The following NAALADL2 variants were observed in gnomAD, a reference collection of about 807,000 sequenced individuals.
NAALADL2 encodes the protein inactive N-acetylated-alpha-linked acidic dipeptidase-like protein 2.
In NAALADL2, 76 loss-of-function variants were observed where a neutral mutation model predicts 87.2. The ratio of observed to expected loss-of-function variants is 0.87; its 90% CI spans 0.72 to 1.05. NAALADL2 has a LOEUF of 1.05. Among genes scored for constraint, NAALADL2 ranks in the 50% least tolerant of loss-of-function variants. NAALADL2 has a pLI of 0.00. For synonymous variants in NAALADL2, 354 were observed against 331.0 expected (o/e 1.07, Z -0.75); for missense variants, 1,089 against 945.8 (o/e 1.15, Z -1.99).
At chr3:174,826,103 C>CAA (rs1721968952) in intron 3 of NAALADL2, among the ~76,000 whole-genome samples, 1 of 152,126 alleles carries the variant, frequency 6.6e-6, no homozygotes, top group Non-Finnish European at 1.5e-5. Context: ...CAAAACAAAA[C>CAA]AAAATCTTTT....
intron 3 of NAALADL2, among the ~76,000 whole-genome samples, chr3:174,811,825 G>A (rs1303820415): frequency 6.6e-6 from 1 of 152,234 alleles, no homozygotes; most frequent in Non-Finnish European, 1.5e-5. Context: ...AATCTCCAAT[G>A]TTGGAGGTGG....
chr3:174,572,706 C>A (rs2108538892), intron 2 of NAALADL2, among the ~76,000 whole-genome samples: 1 of 152,232 alleles, frequency 6.6e-6, no homozygotes, highest in East Asian at 1.9e-4. Flanking sequence ...TTCTATATAG[C>A]ACAACAACCA....
chr3:175,004,376 C>CAAAAAA lies in NAALADL2; in HGVS notation c.44-92390_44-92385dup, dbSNP rs538715061. Among the ~76,000 whole-genome samples the CAAAAAA allele has an allele frequency of 1.8e-3, 62 of 33,840 alleles. 2 individuals are homozygous for CAAAAAA. The highest frequency in any genetic ancestry group is 4.9e-3 in the East Asian group (5 of 1,016). The allele number at this position is 33,840 out of a possible 152,430, so 22.2% of individuals were successfully genotyped here. ...CCTGGGTGACAGAGTGAGACTATTT[C>CAAAAAA]AAAAAAAAAAAAAAAAAAAAAAAAA... On this transcript the variant is annotated intron_variant, in intron 1 of 13. Coordinates refer to ENST00000454872, the MANE Select transcript of NAALADL2 (RefSeq NM_207015.3).
At chr3:175,556,399 C>CTA (rs1715271137) in intron 9 of NAALADL2, among the ~76,000 whole-genome samples, 2 of 152,068 alleles carry the variant, frequency 1.3e-5, no homozygotes, top group African/African-American at 2.4e-5. Context: ...CCTCAGAATA[C>CTA]TATAAAAATG....
chr3:175,378,807 G>T (rs1233721587), intron 5 of NAALADL2, among the ~76,000 whole-genome samples: 1 of 152,126 alleles, frequency 6.6e-6, no homozygotes, highest in East Asian at 1.9e-4. Context: ...GTTTCTAATT[G>T]TTTACACTGG....
intron 5 of NAALADL2, among the ~76,000 whole-genome samples, chr3:175,352,297 TGAG>T (rs551605647): frequency 1.8e-3 from 267 of 152,068 alleles, no homozygotes; most frequent in Non-Finnish European, 1.2e-3. Flanking sequence ...TAGGTGAGGC[TGAG>T]GAGAAGAAGG....
At chr3:174,920,239 T>C (rs980399432) in intron 1 of NAALADL2, among the ~76,000 whole-genome samples, 1 of 152,240 alleles carries the variant, frequency 6.6e-6, no homozygotes, top group Non-Finnish European at 1.5e-5. Context: ...CGACTCCTCC[T>C]CTCTAGCTGT....
intron 1 of NAALADL2, among the ~76,000 whole-genome samples, chr3:174,940,925 C>G (rs778577250): frequency 6.6e-6 from 1 of 151,296 alleles, no homozygotes; most frequent in Non-Finnish European, 1.5e-5. Flanking sequence ...TAGCTAGCGG[C>G]CTGTCTTACT....
intron 2 of NAALADL2, among the ~76,000 whole-genome samples, chr3:175,141,035 T>C (rs1729914049): frequency 6.6e-6 from 1 of 152,114 alleles, no homozygotes; most frequent in Non-Finnish European, 1.5e-5. Flanking sequence ...TTTCAAAATA[T>C]CATGGAGGAT....
intron 5 of NAALADL2, among the ~76,000 whole-genome samples, chr3:175,355,022 ATGTGTGTGTG>A (rs3067322): frequency 5.0e-4 from 70 of 139,428 alleles, no homozygotes; most frequent in Admixed American, 8.6e-4. Flanking sequence ...CTATATATAT[ATGTGTGTGTG>A]TGTGTGTGTG....
At chr3:175,356,576 A>AAAT (rs377522672) in intron 5 of NAALADL2, among the ~76,000 whole-genome samples, 17,079 of 131,576 alleles carry the variant, frequency 0.13, 1,103 homozygotes, top group African/African-American at 0.18. Flanking sequence ...CCCTGTGTCA[A>AAAT]AATAATAATA....
intron 2 of NAALADL2, among the ~76,000 whole-genome samples, chr3:174,662,061 C>T (rs974230191): frequency 6.6e-6 from 1 of 152,150 alleles, no homozygotes; most frequent in African/African-American, 2.4e-5. Context: ...GCCTCAGTTT[C>T]AGCTTCCTCA....
intron 2 of NAALADL2, among the ~76,000 whole-genome samples, chr3:175,168,335 C>T (rs1176076282): frequency 6.6e-6 from 1 of 151,736 alleles, no homozygotes; most frequent in Non-Finnish European, 1.5e-5. Flanking sequence ...ATATAGATAA[C>T]CTAGTTTATA....
intron 2 of NAALADL2, among the ~76,000 whole-genome samples, chr3:174,679,307 T>C (rs1354623891): frequency 1.3e-5 from 2 of 152,156 alleles, no homozygotes; most frequent in Admixed American, 1.3e-4. Flanking sequence ...TTCAATGATG[T>C]CTAAACTGGT....
chr3:175,669,472 G>T (rs907409454), intron 11 of NAALADL2, among the ~76,000 whole-genome samples: 3 of 151,886 alleles, frequency 2.0e-5, no homozygotes, highest in African/African-American at 7.2e-5. Context: ...GAAAAAATTT[G>T]TTTTCAAATT....
intron 3 of NAALADL2, among the ~76,000 whole-genome samples, chr3:174,753,595 C>T (rs1711558332): frequency 6.6e-6 from 1 of 152,120 alleles, no homozygotes; most frequent in Non-Finnish European, 1.5e-5. Flanking sequence ...GACAGCTATG[C>T]AACTTCTGTC....
intron 11 of NAALADL2, among the ~76,000 whole-genome samples, chr3:175,658,925 C>A (rs887407422): frequency 5.3e-5 from 8 of 152,074 alleles, no homozygotes; most frequent in Non-Finnish European, 1.2e-4. Context: ...GGTACACACA[C>A]ACACATGCAC....
At chr3:175,359,582 C>T (rs1764753484) in intron 5 of NAALADL2, among the ~76,000 whole-genome samples, 1 of 152,008 alleles carries the variant, frequency 6.6e-6, no homozygotes, top group Non-Finnish European at 1.5e-5. Flanking sequence ...TTTGTTTGTA[C>T]AAACTATGTG....
intron 11 of NAALADL2, among the ~76,000 whole-genome samples, chr3:175,630,679 CT>C (rs1244051739): frequency 3.3e-5 from 5 of 151,472 alleles, no homozygotes; most frequent in Non-Finnish European, 7.4e-5. Context: ...CTTTAGAATA[CT>C]TTTTTTCACT....
Sources: gnomAD v4.1 joint callset for allele counts (sites outside exome capture counted in the v4.1 genomes callset) on GRCh38, gnomAD v4.1.1 for gene constraint, MANE v1.5 for transcripts, NCBI Gene and HGNC (gene_info 2026-07-23, HGNC 2026-07-21) for gene names.